PHACTR1: variants seen among roughly 807,000 people sequenced by gnomAD.
The protein encoded by PHACTR1 is RPEL repeat containing 1.
Under a neutral mutation model 69.2 loss-of-function variants are expected in PHACTR1, and 16 were observed. The observed-to-expected ratio is 0.23, with a 90% CI of 0.16 to 0.35. The LOEUF (loss-of-function observed/expected upper bound fraction) is 0.35, where lower values mean the gene tolerates loss of function less well. Among genes scored for constraint, PHACTR1 ranks in the 10% least tolerant of loss-of-function variants. The pLI, the probability that PHACTR1 is intolerant of heterozygous loss-of-function variation, is 1.00. For synonymous variants in PHACTR1, 312 were observed against 284.5 expected (o/e 1.10, Z -0.97); for missense variants, 510 against 734.7 (o/e 0.69, Z 3.54).
chr6:12,934,478 G>C (rs1204575637), intron 4 of PHACTR1, among the ~76,000 whole-genome samples: 2 of 152,158 alleles, frequency 1.3e-5, no homozygotes, highest in African/African-American at 4.8e-5. Flanking sequence ...GGAGCTATCA[G>C]ATCTGCATCA....
At chr6:13,157,347 C>A (rs770421607) in intron 5 of PHACTR1, among the ~76,000 whole-genome samples, 5 of 152,216 alleles carry the variant, frequency 3.3e-5, no homozygotes, top group Non-Finnish European at 7.3e-5. Context: ...GAGGACTGAT[C>A]TTAACTTGTG....
chr6:12,934,042 C>A, intron 4 of PHACTR1: 1 of 1,426,126 alleles, frequency 7.0e-7, no homozygotes, highest in Non-Finnish European at 9.3e-7. Context: ...GTCTTGAAGT[C>A]CCAAATCAAG....
chr6:13,014,829 C>G (rs763601241), intron 4 of PHACTR1, among the ~76,000 whole-genome samples: 60 of 152,158 alleles, frequency 3.9e-4, no homozygotes, highest in Non-Finnish European at 7.6e-4. Flanking sequence ...GAAGGCGTGC[C>G]GGGCTGCCAG....
chr6:13,193,917 C>T (rs889368881), intron 7 of PHACTR1, among the ~76,000 whole-genome samples: 1 of 152,112 alleles, frequency 6.6e-6, no homozygotes, highest in African/African-American at 2.4e-5. Context: ...TTCAACAGCA[C>T]AGTGATCAAT....
At chr6:13,079,542 C>T (rs888767634) in intron 5 of PHACTR1, among the ~76,000 whole-genome samples, 3 of 152,140 alleles carry the variant, frequency 2.0e-5, no homozygotes, top group South Asian at 2.1e-4. Context: ...ACAGGAGACA[C>T]GCAGATAGAC....
At chr6:13,082,195 G>A (rs557925277) in intron 5 of PHACTR1, among the ~76,000 whole-genome samples, 53 of 152,072 alleles carry the variant, frequency 3.5e-4, no homozygotes, top group Non-Finnish European at 5.6e-4. Flanking sequence ...TCCTTCCACC[G>A]TTAGGAGTGT....
intron 4 of PHACTR1, among the ~76,000 whole-genome samples, chr6:12,813,155 C>A (rs191982843): frequency 6.6e-6 from 1 of 152,130 alleles, no homozygotes; most frequent in African/African-American, 2.4e-5. Context: ...AGACAGGAAG[C>A]CCCAATCATC....
chr6:13,064,944 C>T (rs74926148), intron 5 of PHACTR1, among the ~76,000 whole-genome samples: 2,694 of 152,028 alleles, frequency 0.018, 33 homozygotes, highest in South Asian at 0.034. Context: ...TCATCTGTTC[C>T]GGGACTTGGT....
rs1778610262 is a variant in PHACTR1 at position 13,275,097 on chromosome 6, A to C, written c.1447+2182A>C. The C allele has an allele frequency of 6.6e-6, 1 of 152,236 alleles. No individual in the cohort carries two copies. The highest frequency in any genetic ancestry group is 1.5e-5 in the Non-Finnish European group (1 of 68,044). 9.4% of individuals were successfully genotyped at this position (152,236 alleles called of 1,614,324 possible). A position where few individuals can be genotyped will look rare whatever the true frequency, so the allele number is the denominator to read the frequency against. On this transcript the variant is annotated intron_variant, in intron 11 of 14. Coordinates refer to ENST00000332995, the MANE Select transcript of PHACTR1 (RefSeq NM_030948.6). This position sits in a 1 kb window ranked among gnomAD's most constrained non-coding sequence, Gnocchi z 4.0. ...TTTAAAACTGATTTTCTGAGCTTTC[A>C]GCCATTTGAGGAACTGCTCGGTGTT...
intron 10 of PHACTR1, among the ~76,000 whole-genome samples, chr6:13,241,137 G>A (rs1772779625): frequency 6.6e-6 from 1 of 152,230 alleles, no homozygotes; most frequent in Non-Finnish European, 1.5e-5. Context: ...GAGTTCCACA[G>A]TGGCAGTGGG....
chr6:12,949,002 G>T (rs1790979056), intron 4 of PHACTR1, among the ~76,000 whole-genome samples: 1 of 152,158 alleles, frequency 6.6e-6, no homozygotes, highest in Non-Finnish European at 1.5e-5. Flanking sequence ...CAGGCGCAAT[G>T]GCTCACGCCT....
intron 8 of PHACTR1, among the ~76,000 whole-genome samples, chr6:13,219,748 A>C (rs956847621): frequency 6.6e-6 from 1 of 152,188 alleles, no homozygotes; most frequent in Admixed American, 6.6e-5. Flanking sequence ...GAGTAGCTGG[A>C]TTGTGTGAAC....
chr6:13,195,204 C>G (rs773001518), intron 7 of PHACTR1, among the ~76,000 whole-genome samples: 18 of 152,102 alleles, frequency 1.2e-4, no homozygotes, highest in Non-Finnish European at 2.6e-4. Flanking sequence ...ATTAGTGATG[C>G]TAGACTCTCA....
chr6:12,936,139 C>T (rs985943727), intron 4 of PHACTR1, among the ~76,000 whole-genome samples: 6 of 151,184 alleles, frequency 4.0e-5, no homozygotes, highest in Admixed American at 2.0e-4. Flanking sequence ...CCAAAACAAA[C>T]AAAATCCATC....
intron 6 of PHACTR1, among the ~76,000 whole-genome samples, chr6:13,170,652 C>T (rs1760463591): frequency 6.6e-6 from 1 of 152,224 alleles, no homozygotes. Context: ...GCACGCCACC[C>T]AATTCATAAT....
chr6:12,857,887 C>A, intron 4 of PHACTR1, among the ~76,000 whole-genome samples: 1 of 152,138 alleles, frequency 6.6e-6, no homozygotes, highest in Non-Finnish European at 1.5e-5. Flanking sequence ...GTCACAAGAT[C>A]TGGGTTTAAA....
intron 4 of PHACTR1, among the ~76,000 whole-genome samples, chr6:12,916,085 G>A (rs868635154): frequency 1.3e-5 from 2 of 152,108 alleles, no homozygotes; most frequent in African/African-American, 4.8e-5. Flanking sequence ...GTAATACATT[G>A]GTATCTCTGC....
At chr6:13,084,448 T>A (rs1179448413) in intron 5 of PHACTR1, among the ~76,000 whole-genome samples, 1 of 150,872 alleles carries the variant, frequency 6.6e-6, no homozygotes, top group African/African-American at 2.4e-5. Context: ...GGGTGCAGCA[T>A]ACCAACCTGG....
intron 4 of PHACTR1, among the ~76,000 whole-genome samples, chr6:12,858,493 G>T (rs145735826): frequency 6.6e-6 from 1 of 152,122 alleles, no homozygotes; most frequent in African/African-American, 2.4e-5. Flanking sequence ...TAAGTTTGGA[G>T]ATAAAGTCTA....
Sources: gnomAD v4.1 joint callset for allele counts (sites outside exome capture counted in the v4.1 genomes callset) on GRCh38, gnomAD v4.1.1 for gene constraint, Gnocchi (gnomAD v3.1) non-coding constraint, MANE v1.5 for transcripts, NCBI Gene and HGNC (gene_info 2026-07-23, HGNC 2026-07-21) for gene names.